The following DCHS1 variants were observed in gnomAD, a reference collection of about 807,000 sequenced individuals.
The protein encoded by DCHS1 is protocadherin-16.
A neutral mutation model predicts 213.9 loss-of-function variants in DCHS1; 78 were observed. That is an observed-to-expected ratio of 0.36 (90% CI 0.30 to 0.44). The LOEUF (loss-of-function observed/expected upper bound fraction) is 0.44. Among genes scored for constraint, DCHS1 ranks in the 20% least tolerant of loss-of-function variants. The pLI, the probability that DCHS1 is intolerant of heterozygous loss-of-function variation, is 1.00. For missense variants in DCHS1, 3,946 were observed against 4,395.9 expected, an observed-to-expected ratio of 0.90 and a Z score of 2.89; for synonymous variants, 1,828 against 1,873.7, an observed-to-expected ratio of 0.98 and a Z score of 0.63.
chr11:6,633,767 C>A, intron 4 of DCHS1, 22 bp downstream of exon 4: 1 of 1,608,108 alleles, frequency 6.2e-7, no homozygotes, highest in Non-Finnish European at 8.5e-7. Flanking sequence ...GGGGAAGGCC[C>A]CGGGAATGGG....
At position 6,631,710 on chromosome 11, in the gene DCHS1, G is replaced by A. The variant is rs761824834; in HGVS notation, c.3581C>T (p.Thr1194Ile). ...QDGGSPPRST[T>I]GTVHVAVLDL... ...AAGCACTGCAACATGCACAGTGCCT[G>A]TGGTGCTGCGGGGTGGGCTCCCTCC... The change falls in exon 7 of 21, where the codon ACA becomes ATA. Residue 1194 changes from threonine to isoleucine, a missense_variant. By Grantham distance (89) the Thr-to-Ile change is moderately conservative. Transcript: ENST00000299441. 6.2e-7 allele frequency: 1 copy of A among 1,610,750 alleles called. No homozygotes were observed. The highest frequency in any genetic ancestry group is 1.7e-5 in the Admixed American group (1 of 59,536).
chr11:6,647,885 G>A (rs916282295), intron 1 of DCHS1, among the ~76,000 whole-genome samples: 2 of 152,172 alleles, frequency 1.3e-5, no homozygotes, highest in Non-Finnish European at 2.9e-5. Context: ...GAGGCCTCTG[G>A]GAGAGTCCAG....
Position 6,629,983 on chromosome 11 carries a change from C to A in DCHS1, c.4795+16G>T. On this transcript the variant is annotated intron_variant, in intron 10 of 20. Transcript: ENST00000299441. ...TCAGCACCTTCCTCGCCCTCACTCC[C>A]AGACCTAACTCTCACCAGTGCTTGA... 6.3e-7 allele frequency: 1 copy of A among 1,583,006 alleles called. No homozygotes were observed. The highest frequency in any genetic ancestry group is 8.6e-7 in the Non-Finnish European group (1 of 1,161,078).
At position 6,631,670 on chromosome 11, in the gene DCHS1, G is replaced by A. The variant is rs1488521279; in HGVS notation, c.3621C>T (p.Asn1207=). Residue 1207 remains asparagine (N), a synonymous_variant, in exon 7 of 21, where the codon AAC becomes AAT. Coordinates refer to ENST00000299441, the MANE Select transcript of DCHS1 (RefSeq NM_003737.4). ...VHVAVLDLND[N]SPTFLQASGA... ...CTGAAGCCTGCAGGAACGTGGGGCT[G>A]TTGTCGTTGAGGTCAAGCACTGCAA... is the stretch of plus-strand genomic sequence containing the variant. 5 of 1,607,542 alleles carry A rather than the reference G, an allele frequency of 3.1e-6. No individual in the cohort carries two copies. In the East Asian group the frequency reaches 8.9e-5, roughly 29 times the overall value.
Position 6,628,526 on chromosome 11 carries a change from G to C in DCHS1, c.5371+95C>G. On this transcript the variant is annotated intron_variant, in intron 13 of 20. Coordinates refer to ENST00000299441, the MANE Select transcript of DCHS1 (RefSeq NM_003737.4). The surrounding 1 kb of genome is among the most constrained non-coding windows in gnomAD (Gnocchi z 4.3). ...TGGACGACATCAAGAGGGAAAAGGA[G>C]ACCCAGACACATGCACTGAGGCTGA... The C allele has an allele frequency of 1.4e-6, 2 of 1,399,998 alleles. No individual in the cohort carries two copies. Among genetic ancestry groups the C allele is most frequent in the Non-Finnish European group, 2.0e-6 (2 of 993,504 alleles). 86.7% of individuals were successfully genotyped at this position (1,399,998 alleles called of 1,614,324 possible).
Position 6,626,155 on chromosome 11 carries a change from A to G in DCHS1, c.6576+14T>C. ...CCCTGCTCCCCCGCCCAATCTTTCC[A>G]TCACACCCCGCACCTGCAGCAGGGG... On this transcript the variant is annotated intron_variant, in intron 16 of 20. Coordinates refer to ENST00000299441, the MANE Select transcript of DCHS1 (RefSeq NM_003737.4). The surrounding 1 kb of genome is among the most constrained non-coding windows in gnomAD (Gnocchi z 5.2). The G allele has an allele frequency of 1.2e-6, 2 of 1,600,112 alleles. No individual in the cohort carries two copies. Among genetic ancestry groups the G allele is most frequent in the Non-Finnish European group, 1.7e-6 (2 of 1,173,432 alleles).
intron 1 of DCHS1, among the ~76,000 whole-genome samples, chr11:6,655,200 CAG>C (rs933186913): frequency 6.6e-6 from 1 of 152,186 alleles, no homozygotes; most frequent in African/African-American, 2.4e-5. Context: ...CTCACACCCT[CAG>C]AGTGACACGC....
chr11:6,654,163 A>G (rs1856283605), intron 1 of DCHS1, among the ~76,000 whole-genome samples: 1 of 152,150 alleles, frequency 6.6e-6, no homozygotes, highest in African/African-American at 2.4e-5. Context: ...TGATAAGTTA[A>G]GCAGAGTTTA....
In DCHS1 at chr11:6,621,504, G is replaced by A. The variant is rs1260002562; in HGVS notation, c.*275C>T. 2 of 580,076 alleles carry A rather than the reference G, an allele frequency of 3.4e-6. No individual in the cohort carries two copies. Among genetic ancestry groups the A allele is most frequent in the South Asian group, 3.5e-5 (2 of 57,292 alleles). 35.9% of individuals were successfully genotyped at this position (580,076 alleles called of 1,614,324 possible). ...GTCTCAGCTCCATCTCAGGGTGCTGGTGCAGGGCAGGGATCCCTCACTGAG... is the reference window on the plus strand; with the variant it reads ...GTCTCAGCTCCATCTCAGGGTGCTGATGCAGGGCAGGGATCCCTCACTGAG... On this transcript the variant is annotated 3_prime_UTR_variant, in exon 21 of 21. Coordinates refer to ENST00000299441, the MANE Select transcript of DCHS1 (RefSeq NM_003737.4).
chr11:6,641,799 G>T lies in DCHS1; in HGVS notation c.-120-66C>A. On this transcript the variant is annotated intron_variant, in intron 1 of 20. Transcript: ENST00000299441. This position sits in a 1 kb window ranked among gnomAD's most constrained non-coding sequence, Gnocchi z 7.1. ...GATCAGCAGTCCAGATAACCTGGACGAGGCCACATCAACATTCAGATATGC... is the reference window on the plus strand; with the variant it reads ...GATCAGCAGTCCAGATAACCTGGACTAGGCCACATCAACATTCAGATATGC... 7.6e-7 allele frequency: 1 copy of T among 1,312,454 alleles called. No homozygotes were observed. Among genetic ancestry groups the T allele is most frequent in the Non-Finnish European group, 1.0e-6 (1 of 991,212 alleles). The allele number at this position is 1,312,454 out of a possible 1,614,324, so 81.3% of individuals were successfully genotyped here.
chr11:6,636,746 C>T (rs1398793959), intron 2 of DCHS1, among the ~76,000 whole-genome samples: 2 of 152,216 alleles, frequency 1.3e-5, no homozygotes, highest in African/African-American at 4.8e-5. Context: ...CCTGTTCTTA[C>T]ACACTGTTCC....
At chr11:6,624,966 G>T in intron 19 of DCHS1, 98 bp from the exon 20 acceptor site, 42 of 1,534,790 alleles carry the variant, frequency 2.7e-5, no homozygotes, top group Non-Finnish European at 3.6e-5. Flanking sequence ...CCTGCTTGGC[G>T]TCTATTCCAA....
rs1272042544 is a variant in DCHS1, at chr11:6,641,845, G to A, written c.-120-112C>T. 5 of 949,722 alleles carry A rather than the reference G, an allele frequency of 5.3e-6. No individual in the cohort carries two copies. The highest frequency in any genetic ancestry group is 1.7e-5 in the African/African-American group (1 of 60,368). 58.8% of individuals were successfully genotyped at this position (949,722 alleles called of 1,614,324 possible). A position where few individuals can be genotyped will look rare whatever the true frequency, so the allele number is the denominator to read the frequency against. The stretch of plus-strand genomic sequence containing the variant: ...TATGCTCAGCCCCCAGCAGGCCCTT[G>A]TGCTGCCTCACACTCATCTTGGGCC... On this transcript the variant is annotated intron_variant, in intron 1 of 20. Coordinates refer to ENST00000299441, the MANE Select transcript of DCHS1 (RefSeq NM_003737.4). This position sits in a 1 kb window ranked among gnomAD's most constrained non-coding sequence, Gnocchi z 7.1.
chr11:6,621,457 C>T lies in DCHS1; in HGVS notation c.*322G>A, dbSNP rs1031498519. ...AACATGTTGGAGGGACCTCCTCCATCCCCCTACCCCCAATAAATAAAGTCT... is the reference window on the plus strand; with the variant it reads ...AACATGTTGGAGGGACCTCCTCCATTCCCCTACCCCCAATAAATAAAGTCT... On this transcript the variant is annotated 3_prime_UTR_variant, in exon 21 of 21. Coordinates refer to ENST00000299441, the MANE Select transcript of DCHS1 (RefSeq NM_003737.4). The T allele has an allele frequency of 1.1e-5, 5 of 447,420 alleles. No individual in the cohort carries two copies. Among genetic ancestry groups the T allele is most frequent in the Non-Finnish European group, 1.7e-5 (4 of 237,006 alleles). 27.7% of individuals were successfully genotyped at this position (447,420 alleles called of 1,614,324 possible).
In DCHS1 at chr11:6,625,194, A is replaced by G. The variant is rs754695453; in HGVS notation, c.7146+4T>C. On this transcript the variant is annotated splice_donor_region_variant and intron_variant, in intron 19 of 20. Transcript: ENST00000299441. The surrounding 1 kb of genome is among the most constrained non-coding windows in gnomAD (Gnocchi z 5.3). ...GGTGTAGGTGGATCCATGGGTGTCA[A>G]TACCTGGTAGAGGCTCTGTGAGAAG... is the stretch of plus-strand genomic sequence containing the variant. 5 of 1,579,304 alleles carry G rather than the reference A, an allele frequency of 3.2e-6. No individual in the cohort carries two copies. Among genetic ancestry groups the G allele is most frequent in the African/African-American group, 1.3e-5 (1 of 74,236 alleles).
intron 2 of DCHS1, chr11:6,635,124 G>T (rs565770757): frequency 8.5e-5 from 13 of 152,274 alleles, no homozygotes; most frequent in African/African-American, 3.1e-4. Flanking sequence ...TGGAATTATT[G>T]AGACTGATTT....
At chr11:6,652,335 T>G (rs993712309) in intron 1 of DCHS1, among the ~76,000 whole-genome samples, 2 of 152,116 alleles carry the variant, frequency 1.3e-5, no homozygotes, top group African/African-American at 4.8e-5. Context: ...TGTTACTTTC[T>G]CCTAGGGAAA....
At position 6,630,343 on chromosome 11, in the gene DCHS1, G is replaced by A; in HGVS notation, c.4451C>T (p.Pro1484Leu). 1 of 1,310,014 alleles carries A rather than the reference G, an allele frequency of 7.6e-7. No homozygotes were observed. Among genetic ancestry groups the A allele is most frequent in the Non-Finnish European group, 9.7e-7 (1 of 1,031,418 alleles). 81.1% of individuals were successfully genotyped at this position (1,310,014 alleles called of 1,614,324 possible). ...GGTGCGCGCGTCCAGGCGAAGCGCCGGCACGGGCGGCTCCTGGCGCAGCAG... is the reference window on the plus strand; with the variant it reads ...GGTGCGCGCGTCCAGGCGAAGCGCCAGCACGGGCGGCTCCTGGCGCAGCAG... ...YRLLRQEPPV[P>L]ALRLDARTGA... Residue 1484 changes from proline (P) to leucine (L), a missense_variant, in exon 10 of 21, where the codon CCG becomes CTG. Coordinates refer to ENST00000299441, the MANE Select transcript of DCHS1 (RefSeq NM_003737.4).
Position 6,655,634 on chromosome 11 carries a change from C to T in DCHS1, c.-192G>A. ...GCCGCGGTCAGCCCCCCGGGCAGCG[C>T]CCGCTCGCGCGGGGCCTGAGGCCGC... On this transcript the variant is annotated 5_prime_UTR_variant, in exon 1 of 21. Transcript: ENST00000299441. The T allele has an allele frequency of 2.0e-6, 2 of 978,640 alleles. No homozygotes were observed. The highest frequency in any genetic ancestry group is 1.8e-5 in the African/African-American group (1 of 56,690). 60.6% of individuals were successfully genotyped at this position (978,640 alleles called of 1,614,324 possible).
Sources: allele counts gnomAD v4.1 joint callset (sites outside exome capture counted in the v4.1 genomes callset), GRCh38; gene constraint gnomAD v4.1.1; non-coding constraint Gnocchi (gnomAD v3.1); transcripts MANE v1.5; gene names NCBI Gene and HGNC (gene_info 2026-07-23, HGNC 2026-07-21).